The following AGO2 variants were observed in gnomAD, a reference collection of about 807,000 sequenced individuals.
AGO2 encodes the protein protein argonaute-2.
A neutral mutation model predicts 102.3 loss-of-function variants in AGO2; 5 were observed. The ratio of observed to expected loss-of-function variants is 0.05; its 90% CI spans 0.03 to 0.10. The LOEUF (loss-of-function observed/expected upper bound fraction) is 0.10. Ranked by LOEUF, AGO2 falls within the 10% of genes least tolerant of loss-of-function variation. AGO2 has a pLI of 1.00. For synonymous variants in AGO2, 449 were observed against 473.1 expected, an observed-to-expected ratio of 0.95 and a Z score of 0.66; for missense variants, 541 against 1,183.7, an observed-to-expected ratio of 0.46 and a Z score of 7.97.
chr8:140,532,249 C>G (rs2072611283), intron 18 of AGO2, 97 bp from the exon 19 acceptor site: 1 of 1,423,534 alleles, frequency 7.0e-7, no homozygotes, highest in East Asian at 2.3e-5. Context: ...TGGCGGGAAC[C>G]TGGGAGAGGG....
chr8:140,624,760 C>CA (rs2074254771), intron 1 of AGO2, among the ~76,000 whole-genome samples: 1 of 152,370 alleles, frequency 6.6e-6, no homozygotes, highest in African/African-American at 2.4e-5. Flanking sequence ...CAGAGGAAGA[C>CA]AGACACACAC....
chr8:140,596,695 G>A (rs1029278276), intron 1 of AGO2, among the ~76,000 whole-genome samples: 5 of 152,248 alleles, frequency 3.3e-5, no homozygotes, highest in Non-Finnish European at 7.3e-5. Context: ...GATCTGCAGT[G>A]AGCCCATTTT....
rs1052868611 is a variant in AGO2, at chr8:140,540,991, A to G, written c.2034+173T>C. On this transcript the variant is annotated intron_variant, in intron 15 of 18. Coordinates refer to ENST00000220592, the MANE Select transcript of AGO2 (RefSeq NM_012154.5). This position sits in a 1 kb window ranked among gnomAD's most constrained non-coding sequence, Gnocchi z 5.0. ...CAGTGTCATGTGTTAGGGTCTCGACAGCCCCGTGTCCCATCTCCTCCCCTG... is the reference window on the plus strand; with the variant it reads ...CAGTGTCATGTGTTAGGGTCTCGACGGCCCCGTGTCCCATCTCCTCCCCTG... Among the ~76,000 whole-genome samples, 2 of 151,028 alleles carry G rather than the reference A, an allele frequency of 1.3e-5. No homozygotes were observed. The highest frequency in any genetic ancestry group is 1.5e-5 in the Non-Finnish European group (1 of 67,860).
At position 140,562,618 on chromosome 8, in the gene AGO2, G is replaced by A. The variant is rs1015925954; in HGVS notation, c.353C>T (p.Thr118Met). Residue 118 changes from threonine (T) to methionine (M), a missense_variant, in exon 4 of 19, where the codon ACG becomes ATG. By Grantham distance (81) the Thr-to-Met change is moderately conservative. Coordinates refer to ENST00000220592, the MANE Select transcript of AGO2 (RefSeq NM_012154.5). ...IGRDKVELEV[T>M]LPGEGKDRIF... The stretch of plus-strand genomic sequence containing the variant: ...GCGATCCTTGCCTTCTCCTGGCAGC[G>A]TGACCTCCAGCTCCACCTGCGAGGA... 11 of 1,613,596 alleles carry A rather than the reference G, an allele frequency of 6.8e-6. No individual in the cohort carries two copies. Among genetic ancestry groups the A allele is most frequent in the Admixed American group, 1.7e-5 (1 of 60,010 alleles).
intron 16 of AGO2, among the ~76,000 whole-genome samples, chr8:140,538,300 C>T (rs2072732618): frequency 6.6e-6 from 1 of 152,208 alleles, no homozygotes; most frequent in African/African-American, 2.4e-5. Flanking sequence ...TAACCCTCTG[C>T]CTTCCGGTCC....
At chr8:140,533,235 A>AC (rs1212602458) in intron 17 of AGO2, among the ~76,000 whole-genome samples, 1 of 150,842 alleles carries the variant, frequency 6.6e-6, no homozygotes, top group Non-Finnish European at 1.5e-5. Context: ...TAAAAATACA[A>AC]AAAATTAGCC....
At chr8:140,600,664 G>A (rs1209083778) in intron 1 of AGO2, among the ~76,000 whole-genome samples, 4 of 148,666 alleles carry the variant, frequency 2.7e-5, no homozygotes, top group African/African-American at 1.0e-4. Flanking sequence ...TGGGCAACAA[G>A]AGCGAAACTC....
chr8:140,585,955 A>G (rs1461931961), intron 1 of AGO2, among the ~76,000 whole-genome samples: 2 of 152,250 alleles, frequency 1.3e-5, no homozygotes, highest in African/African-American at 4.8e-5. Flanking sequence ...AGAAAAACTC[A>G]GAGACTCCTT....
intron 1 of AGO2, among the ~76,000 whole-genome samples, chr8:140,617,891 G>A (rs374179084): frequency 1.1e-3 from 166 of 152,042 alleles, no homozygotes; most frequent in African/African-American, 3.8e-3. Flanking sequence ...GCACACACCT[G>A]TAGTCCCAGC....
rs536908785 is a variant in AGO2 at position 140,541,224 on chromosome 8, G to A, written c.1974C>T (p.Arg658=). The change falls in exon 15 of 19, where the codon CGC becomes CGT. Residue 658 remains arginine (R), a synonymous_variant. Transcript: ENST00000220592. ...AGAAGATGATGCGGGTGGGCTTGAAGCGCGTGGACTTGTAGAACTGGATGA... is the reference window on the plus strand; with the variant it reads ...AGAAGATGATGCGGGTGGGCTTGAAACGCGTGGACTTGTAGAACTGGATGA... ...ELLIQFYKST[R]FKPTRIIFYR... is the part of the protein sequence containing the mutation. The A allele has an allele frequency of 1.9e-6, 3 of 1,606,230 alleles. No individual in the cohort carries two copies. The South Asian group carries it at 3.3e-5, about 18-fold the overall frequency.
At chr8:140,596,018 T>G (rs887170844) in intron 1 of AGO2, among the ~76,000 whole-genome samples, 26 of 136,328 alleles carry the variant, frequency 1.9e-4, no homozygotes, top group African/African-American at 6.6e-4. Flanking sequence ...CACACACACA[T>G]ACACACATAT....
chr8:140,617,354 TG>T (rs1207499303), intron 1 of AGO2, among the ~76,000 whole-genome samples: 1 of 152,086 alleles, frequency 6.6e-6, no homozygotes, highest in East Asian at 1.9e-4. Context: ...AGGGTTTAAG[TG>T]ACCCTCCTGC....
rs371466425 is a variant in AGO2 at position 140,560,540 on chromosome 8, C to T, written c.519-30G>A. On this transcript the variant is annotated intron_variant, in intron 4 of 18. Transcript: ENST00000220592. ...AACCAAGAGACCCCACCCCGCCTCC[C>T]GTCAGATGTGTCTTCCGGAAGGAAC... The T allele has an allele frequency of 1.6e-4, 249 of 1,595,428 alleles. 1 individual carries two copies. In the African/African-American group the frequency reaches 1.6e-3, roughly 10 times the overall value.
At position 140,538,495 on chromosome 8, in the gene AGO2, G is replaced by C. The variant is rs537132330; in HGVS notation, c.2169+825C>G. On this transcript the variant is annotated intron_variant, in intron 16 of 18. Transcript: ENST00000220592. The stretch of plus-strand genomic sequence containing the variant: ...AACCTGGGTCTCCTGCCTTTCGTCA[G>C]CTGTGGAGAATTCTCAGCTCTTCTA... Among the ~76,000 whole-genome samples the C allele has an allele frequency of 2.6e-5, 4 of 152,324 alleles. No homozygotes were observed. In the East Asian group the frequency reaches 7.7e-4, roughly 29 times the overall value.
chr8:140,565,111 A>G (rs940483048), intron 3 of AGO2, among the ~76,000 whole-genome samples: 1 of 146,304 alleles, frequency 6.8e-6, no homozygotes, highest in Non-Finnish European at 1.5e-5. Flanking sequence ...AGCTTGGGCG[A>G]CAAGAGTGAA....
In AGO2 at chr8:140,549,007, G is replaced by A. The variant is rs977846506; in HGVS notation, c.1588+107C>T. 99 of 1,375,522 alleles carry A rather than the reference G, an allele frequency of 7.2e-5. 1 individual carries two copies. The highest frequency in any genetic ancestry group is 8.8e-5 in the Non-Finnish European group (91 of 1,034,064). The allele number at this position is 1,375,522 out of a possible 1,614,324, so 85.2% of individuals were successfully genotyped here. ...CCTCAGCCTCCTGAAAGGCCCAAAA[G>A]GAGCACCTTTCTCAGTGCAGCAGAA... On this transcript the variant is annotated intron_variant, in intron 12 of 18. Coordinates refer to ENST00000220592, the MANE Select transcript of AGO2 (RefSeq NM_012154.5).
At chr8:140,610,674 G>A (rs1477692357) in intron 1 of AGO2, among the ~76,000 whole-genome samples, 1 of 152,198 alleles carries the variant, frequency 6.6e-6, no homozygotes, top group Non-Finnish European at 1.5e-5. Context: ...GAGAACACGG[G>A]CCCAGCCTAG....
chr8:140,586,389 A>T (rs982075664), intron 1 of AGO2, among the ~76,000 whole-genome samples: 1 of 152,226 alleles, frequency 6.6e-6, no homozygotes, highest in Non-Finnish European at 1.5e-5. Context: ...GCTACTCAGG[A>T]GGCTGAGGCA....
In AGO2 at chr8:140,599,864, G is replaced by C. The variant is rs186491434; in HGVS notation, c.23-14553C>G. The stretch of plus-strand genomic sequence containing the variant: ...GGCCTCCAGAATAGCTGGGATTACA[G>C]GCACCCACCATCACACCTGGCTGAT... On this transcript the variant is annotated intron_variant, in intron 1 of 18. Transcript: ENST00000220592. Among the ~76,000 whole-genome samples, 71 of 152,302 alleles carry C rather than the reference G, an allele frequency of 4.7e-4. 1 individual carries two copies. The highest frequency in any genetic ancestry group is 3.4e-3 in the Middle Eastern group (1 of 294).
Sources: allele counts gnomAD v4.1 joint callset (sites outside exome capture counted in the v4.1 genomes callset), GRCh38; gene constraint gnomAD v4.1.1; non-coding constraint Gnocchi (gnomAD v3.1); transcripts MANE v1.5; gene names NCBI Gene and HGNC (gene_info 2026-07-23, HGNC 2026-07-21).